Variants in KLF8 observed in about 807,000 individuals in gnomAD.
KLF8 encodes KLF transcription factor 8, also known as Krueppel-like factor 8.
A neutral mutation model predicts 18.2 loss-of-function variants in KLF8; 10 were observed. That is an observed-to-expected ratio of 0.55 (90% CI 0.34 to 0.93). The LOEUF is 0.93. Among genes scored for constraint, KLF8 ranks in the 40% least tolerant of loss-of-function variants. KLF8 has a pLI of 0.02. For missense variants in KLF8, 264 were observed against 277.9 expected (o/e 0.95, Z 0.36); for synonymous variants, 109 against 97.3 (o/e 1.12, Z -0.71).
the KLF8 span, among the ~76,000 whole-genome samples, chrX:56,123,175 T>G: frequency 9.1e-6 from 1 of 109,806 alleles, no homozygotes; most frequent in Non-Finnish European, 1.9e-5. Context: ...TCTGTGTTAC[T>G]TAAGCTTTCA....
rs57353066 is a variant in KLF8 at position 56,236,613 on chromosome X, G to A, written c.7+3272G>A. On this transcript the variant is annotated intron_variant, in intron 1 of 5. Transcript: ENST00000468660. ...CCTACAGACCAACTAAAGCTCACAC[G>A]TGTTTTGTTTTCCCTAAAATTTAAA... is the stretch of plus-strand genomic sequence containing the variant. Among the ~76,000 whole-genome samples, 28 of 111,211 alleles carry A rather than the reference G, an allele frequency of 2.5e-4. 1 individual carries two copies. In the East Asian group the frequency reaches 7.6e-3, roughly 30 times the overall value.
chrX:56,094,594 C>A, the KLF8 span, among the ~76,000 whole-genome samples: 1 of 110,791 alleles, frequency 9.0e-6, no homozygotes, highest in Admixed American at 9.6e-5. Context: ...AACTAAAAGA[C>A]GCCATCAAAA....
chrX:56,152,169 C>T, the KLF8 span, among the ~76,000 whole-genome samples: 1 of 111,509 alleles, frequency 9.0e-6, no homozygotes, highest in Non-Finnish European at 1.9e-5. Flanking sequence ...TTCTTATTCA[C>T]CTGTACTTCC....
At chrX:56,155,676 TA>T in the KLF8 span, among the ~76,000 whole-genome samples, 8 of 111,752 alleles carry the variant, frequency 7.2e-5, no homozygotes, top group Non-Finnish European at 1.3e-4. Context: ...TTTCAACTTT[TA>T]TTTTAGTTAC....
chrX:55,988,474 C>T, the KLF8 span, among the ~76,000 whole-genome samples: 2 of 111,959 alleles, frequency 1.8e-5, no homozygotes, highest in South Asian at 3.7e-4. Flanking sequence ...TTCCCCATTT[C>T]TTGTTTTTGT....
chrX:55,910,746 T>C, the KLF8 span, among the ~76,000 whole-genome samples: 1 of 112,701 alleles, frequency 8.9e-6, no homozygotes, highest in Non-Finnish European at 1.9e-5. Context: ...GAATTATTTA[T>C]CTTATACAAT....
the KLF8 span, among the ~76,000 whole-genome samples, chrX:56,108,368 A>G: frequency 8.9e-6 from 1 of 111,813 alleles, no homozygotes; most frequent in East Asian, 2.8e-4. Context: ...ATTCTGAGGA[A>G]TTATTGTTTC....
the KLF8 span, among the ~76,000 whole-genome samples, chrX:56,042,569 T>C: frequency 8.9e-6 from 1 of 112,328 alleles, no homozygotes; most frequent in East Asian, 2.8e-4. Context: ...TCTTGTTAAA[T>C]TGAACACTTT....
the KLF8 span, among the ~76,000 whole-genome samples, chrX:56,046,869 T>C: frequency 1.8e-5 from 2 of 111,448 alleles, no homozygotes; most frequent in Admixed American, 1.9e-4. Flanking sequence ...GATGATCTTT[T>C]TTCCAGGTGT....
At chrX:56,086,114 C>T in the KLF8 span, among the ~76,000 whole-genome samples, 1 of 112,224 alleles carries the variant, frequency 8.9e-6, no homozygotes, top group Non-Finnish European at 1.9e-5. Flanking sequence ...TTAGAAGACC[C>T]TTACTAGGAT....
intron 5 of KLF8, among the ~76,000 whole-genome samples, chrX:56,272,536 T>C (rs1004431521): frequency 2.7e-4 from 30 of 111,424 alleles, no homozygotes; most frequent in East Asian, 2.8e-4. Flanking sequence ...TCGGAATTGT[T>C]CTTATTCTAC....
chrX:56,066,714 G>A, the KLF8 span, among the ~76,000 whole-genome samples: 1 of 111,197 alleles, frequency 9.0e-6, no homozygotes, highest in Admixed American at 9.5e-5. Context: ...AGGCTCCAAG[G>A]ATGTGAATAT....
chrX:56,178,431 G>A, the KLF8 span, among the ~76,000 whole-genome samples: 2 of 111,935 alleles, frequency 1.8e-5, no homozygotes, highest in African/African-American at 3.2e-5. Context: ...CATCCTGTAG[G>A]TTGCCTGTTC....
At chrX:55,990,282 A>C in the KLF8 span, among the ~76,000 whole-genome samples, 1 of 110,949 alleles carries the variant, frequency 9.0e-6, no homozygotes, top group Non-Finnish European at 1.9e-5. Flanking sequence ...AGTTCTTTTA[A>C]TTGTGATGTT....
the KLF8 span, among the ~76,000 whole-genome samples, chrX:56,217,708 C>T: frequency 3.6e-5 from 4 of 111,692 alleles, no homozygotes; most frequent in Admixed American, 9.5e-5. Flanking sequence ...TGTGAGCCAC[C>T]GCACCCGGCT....
At chrX:55,991,198 G>A in the KLF8 span, among the ~76,000 whole-genome samples, 3 of 111,842 alleles carry the variant, frequency 2.7e-5, no homozygotes, top group Non-Finnish European at 3.8e-5. Context: ...CTCAAGCCTC[G>A]GCAATGGCAG....
rs745491363 is a variant in KLF8, at chrX:56,260,676, C to T, written c.82-4504C>T. ...TTTTCTAATACCCAAACAGATAATG[C>T]TCTTATTGGAAAAAGAATTGAGTTT... is the stretch of plus-strand genomic sequence containing the variant. On this transcript the variant is annotated intron_variant, in intron 2 of 5. Transcript: ENST00000468660. 3.6e-5 allele frequency among the ~76,000 whole-genome samples: 4 copies of T among 111,793 alleles called. No homozygotes were observed. The East Asian group carries it at 1.1e-3, about 31-fold the overall frequency.
chrX:56,032,704 T>C, the KLF8 span, among the ~76,000 whole-genome samples: 1 of 112,564 alleles, frequency 8.9e-6, no homozygotes, highest in Non-Finnish European at 1.9e-5. Context: ...TGTATGAATA[T>C]AGCAATTTGT....
At chrX:56,155,302 A>G in the KLF8 span, among the ~76,000 whole-genome samples, 1 of 111,400 alleles carries the variant, frequency 9.0e-6, no homozygotes, top group Non-Finnish European at 1.9e-5. Flanking sequence ...CATGTCCTTT[A>G]AAGGGACATG....
Sources: allele counts gnomAD v4.1 joint callset (sites outside exome capture counted in the v4.1 genomes callset), GRCh38; gene constraint gnomAD v4.1.1; transcripts MANE v1.5; gene names NCBI Gene and HGNC (gene_info 2026-07-23, HGNC 2026-07-21).